The following DNMBP variants were observed in gnomAD, a reference collection of about 807,000 sequenced individuals.
DNMBP encodes dynamin-binding protein.
In DNMBP, 87 loss-of-function variants were observed where a neutral mutation model predicts 150.0. The ratio of observed to expected loss-of-function variants is 0.58; its 90% CI spans 0.49 to 0.69. The LOEUF is 0.69. DNMBP is among the 30% of genes least tolerant of loss of function. The probability of loss-of-function intolerance (pLI) is 0.00; values close to 1 mark genes in which losing one functional copy is unlikely to be tolerated. For synonymous variants in DNMBP, 711 were observed against 750.4 expected, an observed-to-expected ratio of 0.95 and a Z score of 0.86; for missense variants, 1,774 against 1,949.0, an observed-to-expected ratio of 0.91 and a Z score of 1.69.
At chr10:99,915,551 AAAC>A (rs1336646699) in intron 4 of DNMBP, among the ~76,000 whole-genome samples, 1 of 152,030 alleles carries the variant, frequency 6.6e-6, no homozygotes, top group African/African-American at 2.4e-5. Flanking sequence ...TCTACAAAAC[AAAC>A]AACAAACAAA....
At chr10:99,964,874 GAAAAA>G (rs757761293) in intron 3 of DNMBP, among the ~76,000 whole-genome samples, 1 of 134,884 alleles carries the variant, frequency 7.4e-6, no homozygotes, top group African/African-American at 2.7e-5. Context: ...CCAGCCCAAG[GAAAAA>G]AAAAAAATAT....
At position 99,880,309 on chromosome 10, in the gene DNMBP, G is replaced by A. The variant is rs1244652139; in HGVS notation, c.4050C>T (p.Arg1350=). ...SSFLKPYNPR[R]SHSDASVGSH... is the part of the protein sequence containing the mutation. ...TACCCACGGAGGCATCGGAGTGGCT[G>A]CGGCGAGGATTGTAGGGCTTTAGGA... is the stretch of plus-strand genomic sequence containing the variant. The change falls in exon 16 of 17, where the codon CGC becomes CGT. Residue 1350 remains arginine, a synonymous_variant. Coordinates refer to ENST00000324109, the MANE Select transcript of DNMBP (RefSeq NM_015221.4). 1.9e-6 allele frequency: 3 copies of A among 1,612,478 alleles called. No individual in the cohort carries two copies. The highest frequency in any genetic ancestry group is 2.5e-6 in the Non-Finnish European group (3 of 1,179,622).
chr10:99,947,205 T>C (rs2040366893), intron 4 of DNMBP, among the ~76,000 whole-genome samples: 1 of 152,192 alleles, frequency 6.6e-6, no homozygotes, highest in African/African-American at 2.4e-5. Flanking sequence ...GACTTAGCAA[T>C]CCCAGTATTG....
At chr10:99,899,814 T>A in intron 7 of DNMBP, 105 bp downstream of exon 7, 1 of 1,246,308 alleles carries the variant, frequency 8.0e-7, no homozygotes, top group Non-Finnish European at 1.2e-6. Flanking sequence ...ATCATGGATA[T>A]CTTATGTTTA....
intron 4 of DNMBP, among the ~76,000 whole-genome samples, chr10:99,925,724 C>G (rs1171721483): frequency 6.6e-6 from 1 of 152,170 alleles, no homozygotes; most frequent in Non-Finnish European, 1.5e-5. Context: ...CTGACCCACA[C>G]TTTAGGCTGT....
intron 13 of DNMBP, 24 bp downstream of exon 13, chr10:99,886,276 C>A: frequency 6.3e-7 from 1 of 1,586,830 alleles, no homozygotes; most frequent in Non-Finnish European, 8.6e-7. Flanking sequence ...GATGACCATC[C>A]CACTGAACAG....
chr10:99,982,506 A>C (rs913219946), intron 1 of DNMBP, among the ~76,000 whole-genome samples: 3 of 152,028 alleles, frequency 2.0e-5, no homozygotes, highest in Admixed American at 2.0e-4. Context: ...TATATGGAAA[A>C]CTATAAAAAT....
intron 4 of DNMBP, among the ~76,000 whole-genome samples, chr10:99,915,180 T>C (rs1195232588): frequency 7.3e-6 from 1 of 136,446 alleles, no homozygotes; most frequent in Non-Finnish European, 1.6e-5. Flanking sequence ...CATATATACA[T>C]CTACACACAT....
At chr10:99,989,843 TGCTATGTACCCCCTCTTCTATTAAAC>T (rs2040867332) in intron 1 of DNMBP, among the ~76,000 whole-genome samples, 1 of 148,902 alleles carries the variant, frequency 6.7e-6, no homozygotes, top group Non-Finnish European at 1.5e-5. Context: ...TCTATTAAAC[TGCTATGTACCCCCTCTTCTATTAAAC>T]TGCCCCCTCT....
intron 4 of DNMBP, among the ~76,000 whole-genome samples, chr10:99,910,614 AGGCAGGGTTCTTTGAAGAAAT>A (rs76699378): frequency 0.03 from 4,573 of 152,302 alleles, 76 homozygotes; most frequent in South Asian, 0.079. Flanking sequence ...CACTAAAAGG[AGGCAGGGTTCTTTGAAGAAAT>A]GGCTAATTCC....
chr10:99,959,867 CA>C (rs897497956), intron 3 of DNMBP, among the ~76,000 whole-genome samples: 4 of 49,380 alleles, frequency 8.1e-5, no homozygotes, highest in Non-Finnish European at 1.2e-4. Context: ...AAAAAAAAAA[CA>C]AAAAAAAAAC....
At chr10:99,887,680 C>T (rs957240284) in intron 12 of DNMBP, among the ~76,000 whole-genome samples, 1 of 152,084 alleles carries the variant, frequency 6.6e-6, no homozygotes, top group South Asian at 2.1e-4. Flanking sequence ...CTGTCAGCTC[C>T]CCAGGTGGGC....
rs538445537 is a variant in DNMBP, at chr10:99,956,504, A to G, written c.970T>C (p.Ser324Pro). 1 of 1,614,056 alleles carries G rather than the reference A, an allele frequency of 6.2e-7. No individual in the cohort carries two copies. The highest frequency in any genetic ancestry group is 1.7e-5 in the Admixed American group (1 of 60,022). ...EGSLARIPET[S>P]LDCLENTLGV... is the part of the protein sequence containing the mutation. Reference sequence around the variant, plus strand: ...AAGGTGTTCTCCAAACAATCCAAAGAAGTTTCCGGGATCCTGGCAAGGCTG... The same window carrying G: ...AAGGTGTTCTCCAAACAATCCAAAGGAGTTTCCGGGATCCTGGCAAGGCTG... The change falls in exon 4 of 17, where the codon TCT becomes CCT. Residue 324 changes from serine to proline, a missense_variant. Physicochemically the swap from Ser to Pro is moderately conservative, Grantham distance 74 (BLOSUM62 -1). Around this residue, in one of 2 missense-constraint regions of DNMBP, gnomAD observed 344 missense variants for 456.6 expected, o/e 0.75. Coordinates refer to ENST00000324109, the MANE Select transcript of DNMBP (RefSeq NM_015221.4).
At chr10:99,980,271 C>T (rs1304169863) in intron 1 of DNMBP, among the ~76,000 whole-genome samples, 4 of 151,944 alleles carry the variant, frequency 2.6e-5, no homozygotes, top group Non-Finnish European at 2.9e-5. Context: ...GTGGCGAAAC[C>T]CTATCTCTAC....
chr10:100,006,677 C>T (rs1237252448), intron 1 of DNMBP, among the ~76,000 whole-genome samples: 2 of 151,118 alleles, frequency 1.3e-5, no homozygotes, highest in Non-Finnish European at 3.0e-5. Flanking sequence ...TCATCTGCTG[C>T]CACCTCCCCC....
intron 3 of DNMBP, among the ~76,000 whole-genome samples, chr10:99,962,486 C>T (rs990193252): frequency 5.9e-5 from 9 of 152,146 alleles, no homozygotes; most frequent in Admixed American, 3.3e-4. Flanking sequence ...AAAACGTTAG[C>T]CGGGTGTGGT....
chr10:99,919,718 C>T (rs545291433), intron 4 of DNMBP, among the ~76,000 whole-genome samples: 10 of 152,320 alleles, frequency 6.6e-5, no homozygotes, highest in Admixed American at 4.6e-4. Flanking sequence ...ACCTGGGAAG[C>T]GGAGGCTACA....
At chr10:99,900,134 A>T (rs2039717853) in intron 6 of DNMBP, 68 bp from the exon 7 acceptor site, 1 of 1,545,656 alleles carries the variant, frequency 6.5e-7, no homozygotes, top group Admixed American at 1.7e-5. Flanking sequence ...AATGTAAGGT[A>T]CACAGCCAAA....
intron 6 of DNMBP, among the ~76,000 whole-genome samples, chr10:99,902,800 C>A (rs1030048801): frequency 2.0e-5 from 3 of 151,136 alleles, no homozygotes; most frequent in African/African-American, 7.3e-5. Flanking sequence ...TGGTGGCAGG[C>A]GCCTGTAATC....
Sources: gnomAD v4.1 joint callset for allele counts (sites outside exome capture counted in the v4.1 genomes callset) on GRCh38, gnomAD v4.1.1 for gene constraint, gnomAD v4.1.1 regional missense constraint, MANE v1.5 for transcripts, NCBI Gene and HGNC (gene_info 2026-07-23, HGNC 2026-07-21) for gene names.